The following RPAP3 variants were observed in gnomAD, a reference collection of about 807,000 sequenced individuals.
RPAP3 encodes the protein RNA polymerase II associated protein 3, also known as RNA polymerase II-associated protein 3.
A neutral mutation model predicts 88.8 loss-of-function variants in RPAP3; 58 were observed. That is an observed-to-expected ratio of 0.65 (90% CI 0.53 to 0.81). RPAP3 has a LOEUF of 0.81. Ranked by LOEUF, RPAP3 falls within the 40% of genes least tolerant of loss-of-function variation. The pLI is 0.00. For missense variants in RPAP3, 751 were observed against 764.3 expected (o/e 0.98, Z 0.20); for synonymous variants, 255 against 259.9 (o/e 0.98, Z 0.18).
rs1284965783 is a variant in RPAP3 at position 47,662,578 on chromosome 12, C to T, written c.*927G>A. 1 of 152,180 alleles carries T rather than the reference C, an allele frequency of 6.6e-6. No homozygotes were observed. The highest frequency in any genetic ancestry group is 1.5e-5 in the Non-Finnish European group (1 of 68,040). 9.4% of individuals were successfully genotyped at this position (152,180 alleles called of 1,614,324 possible). On this transcript the variant is annotated 3_prime_UTR_variant, in exon 17 of 17. Transcript: ENST00000005386. ...ACAACTTGATAGTCTCTAAAATTAA[C>T]TGGTTTTACCAGTGCTTACACCATG...
In RPAP3 at chr12:47,681,708, C is replaced by T; in HGVS notation, c.1102G>A (p.Glu368Lys). 1 of 1,612,528 alleles carries T rather than the reference C, an allele frequency of 6.2e-7. No homozygotes were observed. The highest frequency in any genetic ancestry group is 1.1e-5 in the South Asian group (1 of 90,696). Residue 368 changes from glutamate to lysine, a missense_variant, in exon 10 of 17, where the codon GAG becomes AAG. Glu to Lys is a moderately conservative substitution (Grantham distance 56). Coordinates refer to ENST00000005386, the MANE Select transcript of RPAP3 (RefSeq NM_024604.3). Reference protein sequence around the residue: ...TARTFLGKLNEAKQDFETVLL... With the variant: ...TARTFLGKLNKAKQDFETVLL... Reference sequence around the variant, plus strand: ...TATAAAGTCTTACCTTGTTTTGCCTCATTTAGCTTTCCCAAAAATGTTCTT... The same window carrying T: ...TATAAAGTCTTACCTTGTTTTGCCTTATTTAGCTTTCCCAAAAATGTTCTT...
chr12:47,678,221 T>C (rs1939154589), intron 12 of RPAP3, among the ~76,000 whole-genome samples: 2 of 152,156 alleles, frequency 1.3e-5, no homozygotes, highest in African/African-American at 2.4e-5. Flanking sequence ...ACTGGATCCC[T>C]TCCTTACACC....
chr12:47,673,740 T>C (rs911548875), intron 12 of RPAP3, among the ~76,000 whole-genome samples: 1 of 152,086 alleles, frequency 6.6e-6, no homozygotes, highest in African/African-American at 2.4e-5. Flanking sequence ...AGGGGTGATG[T>C]CTTAATTTTC....
At chr12:47,668,736 G>A (rs1332495712) in intron 14 of RPAP3, among the ~76,000 whole-genome samples, 180 bp downstream of exon 14, 1 of 152,158 alleles carries the variant, frequency 6.6e-6, no homozygotes, top group African/African-American at 2.4e-5. Flanking sequence ...TATTGCCAAA[G>A]GAGAACATCA....
chr12:47,686,737 A>G (rs1357211503), intron 9 of RPAP3, 43 bp downstream of exon 9: 11 of 1,383,552 alleles, frequency 8.0e-6, no homozygotes, highest in African/African-American at 1.5e-5. Flanking sequence ...AATTTATTGT[A>G]AATTTTTATC....
rs1565713584 is a variant in RPAP3, at chr12:47,670,171, T to TG, written c.1461dup (p.Thr488HisfsTer3). ...ACTTTTGCTCTTGGAGTATCACTTG[T>TG]GGGAAAAAGGTCATCTTGGCTTGAA... On this transcript the variant is annotated frameshift_variant, in exon 13 of 17. Transcript: ENST00000005386. LOFTEE classifies it high-confidence loss of function. 3 of 1,614,018 alleles carry TG rather than the reference T, an allele frequency of 1.9e-6. No individual in the cohort carries two copies. Among genetic ancestry groups the TG allele is most frequent in the South Asian group, 1.1e-5 (1 of 91,076 alleles).
chr12:47,682,658 T>G (rs1319249565), intron 9 of RPAP3, among the ~76,000 whole-genome samples: 5 of 151,770 alleles, frequency 3.3e-5, no homozygotes, highest in Non-Finnish European at 5.9e-5. Context: ...TTGTATAAGT[T>G]TGAAAAGTTT....
At chr12:47,671,358 G>A (rs1173105679) in intron 12 of RPAP3, among the ~76,000 whole-genome samples, 4 of 152,140 alleles carry the variant, frequency 2.6e-5, no homozygotes, top group African/African-American at 4.8e-5. Context: ...TTAGAAAAGA[G>A]AAGAAAACTT....
intron 1 of RPAP3, among the ~76,000 whole-genome samples, chr12:47,705,191 A>G (rs1939762151): frequency 6.6e-6 from 1 of 152,170 alleles, no homozygotes; most frequent in Non-Finnish European, 1.5e-5. Context: ...GGCGGAGGGA[A>G]GAGAAGTAAG....
intron 3 of RPAP3, 107 bp from the exon 4 acceptor site, chr12:47,697,826 T>C: frequency 9.6e-7 from 1 of 1,039,244 alleles, no homozygotes; most frequent in Admixed American, 2.9e-5. Flanking sequence ...ATTGTTACAA[T>C]CTAAGGACCT....
chr12:47,686,796 A>G lies in RPAP3; in HGVS notation c.976T>C (p.Tyr326His). ...AATACTTACTTCTGAATCTTCAGAT[A>G]GGCCATAGCTCTGTTAGCTGGAAGA... is the stretch of plus-strand genomic sequence containing the variant. The part of the protein sequence containing the change: ...ALLPANRAMA[Y>H]LKIQKYEEAE... The change falls in exon 9 of 17, where the codon TAT becomes CAT. Residue 326 changes from tyrosine to histidine, a missense_variant. Transcript: ENST00000005386. 2 of 1,583,060 alleles carry G rather than the reference A, an allele frequency of 1.3e-6. No homozygotes were observed. Among genetic ancestry groups the G allele is most frequent in the Non-Finnish European group, 1.7e-6 (2 of 1,167,172 alleles).
At chr12:47,668,036 A>C (rs541679376) in intron 14 of RPAP3, among the ~76,000 whole-genome samples, 185 bp from the exon 15 acceptor site, 1 of 152,228 alleles carries the variant, frequency 6.6e-6, no homozygotes, top group East Asian at 1.9e-4. Context: ...CTCCACTAAA[A>C]ATACAAAAAA....
intron 12 of RPAP3, among the ~76,000 whole-genome samples, chr12:47,676,991 C>A (rs1193759172): frequency 6.6e-6 from 1 of 152,208 alleles, no homozygotes; most frequent in Non-Finnish European, 1.5e-5. Context: ...TGAAAATCCT[C>A]AATAAAATAC....
rs546640929 is a variant in RPAP3, at chr12:47,688,057, A to T, written c.739-56T>A. On this transcript the variant is annotated intron_variant, in intron 7 of 16. Coordinates refer to ENST00000005386, the MANE Select transcript of RPAP3 (RefSeq NM_024604.3). ...ACAAAGTAATGCAAGATGCATATAT[A>T]TTTGACCTTAAAACATAAATACCTC... is the stretch of plus-strand genomic sequence containing the variant. The T allele has an allele frequency of 5.5e-6, 8 of 1,446,234 alleles. No homozygotes were observed. In the South Asian group the frequency reaches 1.2e-4, roughly 22 times the overall value. The allele number at this position is 1,446,234 out of a possible 1,614,324, so 89.6% of individuals were successfully genotyped here.
rs112192272 is a variant in RPAP3, at chr12:47,668,947, C to T, written c.1682G>A (p.Ser561Asn). ...ATACTGATACAACATATCTGGAGAA[C>T]TTTTCAATTGTCTGAAATCAGATTC... The part of the protein sequence containing the change: ...QLESDFRQLK[S>N]SPDMLYQYLK... The change falls in exon 14 of 17, where the codon AGT (serine) becomes AAT (asparagine). Residue 561 changes from serine to asparagine, a missense_variant. Ser to Asn is a conservative substitution (Grantham distance 46, BLOSUM62 1). Coordinates refer to ENST00000005386, the MANE Select transcript of RPAP3 (RefSeq NM_024604.3). The T allele has an allele frequency of 4.3e-5, 70 of 1,613,936 alleles. 3 individuals carry two copies. In the African/African-American group the frequency reaches 6.3e-4, roughly 14 times the overall value.
chr12:47,680,478 A>G (rs1280120158), intron 10 of RPAP3, among the ~76,000 whole-genome samples: 2 of 152,156 alleles, frequency 1.3e-5, no homozygotes, highest in Non-Finnish European at 2.9e-5. Context: ...TTTAACCACA[A>G]TAAAAAAAAC....
intron 16 of RPAP3, chr12:47,664,517 G>C (rs1938827565): frequency 6.6e-6 from 1 of 152,156 alleles, no homozygotes; most frequent in South Asian, 2.1e-4. Context: ...ATTAAAACTG[G>C]AGAACTAGCT....
chr12:47,665,651 A>G (rs1938858753), intron 16 of RPAP3, among the ~76,000 whole-genome samples: 1 of 151,136 alleles, frequency 6.6e-6, no homozygotes, highest in African/African-American at 2.4e-5. Context: ...TTATTTAACT[A>G]TTTATTTGAG....
intron 12 of RPAP3, among the ~76,000 whole-genome samples, chr12:47,675,369 A>G (rs1329993153): frequency 6.6e-6 from 1 of 152,202 alleles, no homozygotes; most frequent in East Asian, 1.9e-4. Context: ...CGAACATCAT[A>G]ATGACAGGAT....
Sources: allele counts gnomAD v4.1 joint callset (sites outside exome capture counted in the v4.1 genomes callset), GRCh38; gene constraint gnomAD v4.1.1; transcripts MANE v1.5; gene names NCBI Gene and HGNC (gene_info 2026-07-23, HGNC 2026-07-21).